Variants in PDLIM5 observed in about 807,000 individuals in gnomAD.
The protein encoded by PDLIM5 is PDZ and LIM domain 5, also known as PDZ and LIM domain protein 5.
A neutral mutation model predicts 64.2 loss-of-function variants in PDLIM5; 34 were observed. That is an observed-to-expected ratio of 0.53 (90% CI 0.40 to 0.71). PDLIM5 has a LOEUF of 0.71. PDLIM5 is among the 30% of genes least tolerant of loss of function. PDLIM5 has a pLI of 0.00. For synonymous variants in PDLIM5, 253 were observed against 269.1 expected, an observed-to-expected ratio of 0.94 and a Z score of 0.59; for missense variants, 683 against 733.6, an observed-to-expected ratio of 0.93 and a Z score of 0.80.
In PDLIM5 at chr4:94,664,048, C is replaced by G. The variant is rs1742942687; in HGVS notation, c.1772C>G (p.Ala591Gly). Residue 591 changes from alanine (A) to glycine (G), a missense_variant, in exon 13 of 13, where the codon GCT (alanine) becomes GGT (glycine). Coordinates refer to ENST00000317968, the MANE Select transcript of PDLIM5 (RefSeq NM_006457.5). ...KKDKPLCKKH[A>G]HSVNF ...GACAAGCCCCTGTGTAAGAAACATG[C>G]TCATTCTGTGAATTTTTGAAAGTCA... The G allele has an allele frequency of 3.7e-6, 6 of 1,603,528 alleles. No individual in the cohort carries two copies. Among genetic ancestry groups the G allele is most frequent in the Non-Finnish European group, 5.1e-6 (6 of 1,173,666 alleles).
At chr4:94,527,278 A>G (rs963922688) in intron 3 of PDLIM5, among the ~76,000 whole-genome samples, 7 of 147,346 alleles carry the variant, frequency 4.8e-5, no homozygotes, top group Admixed American at 3.4e-4. Flanking sequence ...GATGGTCTTG[A>G]TCTCTTGACC....
intron 2 of PDLIM5, among the ~76,000 whole-genome samples, chr4:94,491,245 C>T (rs774935599): frequency 2.2e-4 from 33 of 152,252 alleles, no homozygotes; most frequent in Non-Finnish European, 4.4e-4. Context: ...AGAGAAGAAA[C>T]TTAACCTTCT....
intron 5 of PDLIM5, among the ~76,000 whole-genome samples, chr4:94,580,156 T>C (rs1735615056): frequency 6.6e-6 from 1 of 152,122 alleles, no homozygotes; most frequent in Non-Finnish European, 1.5e-5. Flanking sequence ...GTTCCATTGG[T>C]ATTGACACTA....
At chr4:94,462,668 T>A (rs1019687096) in intron 2 of PDLIM5, among the ~76,000 whole-genome samples, 4 of 152,210 alleles carry the variant, frequency 2.6e-5, no homozygotes, top group African/African-American at 7.2e-5. Flanking sequence ...TGTATATTTG[T>A]CACATAAATT....
At chr4:94,549,341 T>C (rs1297837313) in intron 3 of PDLIM5, among the ~76,000 whole-genome samples, 1 of 152,216 alleles carries the variant, frequency 6.6e-6, no homozygotes, top group Non-Finnish European at 1.5e-5. Context: ...CCTATTTGTA[T>C]GTATTCCTAG....
chr4:94,541,688 C>T (rs1448966879), intron 3 of PDLIM5, among the ~76,000 whole-genome samples: 1 of 152,186 alleles, frequency 6.6e-6, no homozygotes, highest in East Asian at 1.9e-4. Context: ...TCTACTGCTT[C>T]TGCCCATGGT....
chr4:94,657,702 T>C (rs987552573), intron 11 of PDLIM5, among the ~76,000 whole-genome samples, 155 bp downstream of exon 11: 1 of 152,174 alleles, frequency 6.6e-6, no homozygotes, highest in African/African-American at 2.4e-5. Flanking sequence ...GAAAAAACTA[T>C]GTAGATTTTT....
At chr4:94,606,140 T>G (rs1238345142) in intron 7 of PDLIM5, among the ~76,000 whole-genome samples, 1 of 152,208 alleles carries the variant, frequency 6.6e-6, no homozygotes, top group African/African-American at 2.4e-5. Flanking sequence ...TTTCAAGCTT[T>G]TATTTCACAA....
chr4:94,634,152 G>T (rs184790312), intron 8 of PDLIM5, among the ~76,000 whole-genome samples: 73 of 152,162 alleles, frequency 4.8e-4, no homozygotes, highest in African/African-American at 1.6e-3. Flanking sequence ...TTTGAGCAGA[G>T]GAGTATCTGT....
At chr4:94,627,943 A>G (rs935996639) in intron 8 of PDLIM5, among the ~76,000 whole-genome samples, 22 of 152,240 alleles carry the variant, frequency 1.4e-4, no homozygotes, top group African/African-American at 5.1e-4. Flanking sequence ...TGTATCTTCC[A>G]CACCAGAAGA....
chr4:94,496,596 C>T (rs1020866337), intron 2 of PDLIM5, among the ~76,000 whole-genome samples: 10 of 152,154 alleles, frequency 6.6e-5, no homozygotes, highest in African/African-American at 2.4e-4. Flanking sequence ...CTCAAGCAGT[C>T]CTCCCACCTC....
chr4:94,562,042 G>T (rs1261658360), intron 3 of PDLIM5, among the ~76,000 whole-genome samples: 2 of 152,184 alleles, frequency 1.3e-5, no homozygotes, highest in African/African-American at 4.8e-5. Flanking sequence ...TTATGTCTTT[G>T]AGGATATCAT....
At chr4:94,555,173 C>T (rs955479305) in intron 3 of PDLIM5, among the ~76,000 whole-genome samples, 1 of 152,160 alleles carries the variant, frequency 6.6e-6, no homozygotes, top group Non-Finnish European at 1.5e-5. Flanking sequence ...CCCGCCTCAA[C>T]CTCTTGAGTA....
At chr4:94,568,063 G>T (rs1056840166) in intron 3 of PDLIM5, among the ~76,000 whole-genome samples, 5 of 152,172 alleles carry the variant, frequency 3.3e-5, no homozygotes, top group African/African-American at 9.7e-5. Context: ...GCTTTGCATT[G>T]TGCAGAATGA....
chr4:94,480,377 G>T (rs1725743887), intron 2 of PDLIM5, among the ~76,000 whole-genome samples: 1 of 152,198 alleles, frequency 6.6e-6, no homozygotes, highest in Non-Finnish European at 1.5e-5. Context: ...TTTATTACAA[G>T]GCATTGGTAA....
intron 2 of PDLIM5, among the ~76,000 whole-genome samples, chr4:94,474,107 T>C (rs866703153): frequency 6.6e-6 from 1 of 152,256 alleles, no homozygotes; most frequent in Non-Finnish European, 1.5e-5. Context: ...TATTAGCATG[T>C]TGAATGTTTT....
At position 94,455,937 on chromosome 4, in the gene PDLIM5, C is replaced by T. The variant is rs1723307685; in HGVS notation, c.96+553C>T. 8.0e-6 allele frequency: 12 copies of T among 1,492,674 alleles called. No homozygotes were observed. In the South Asian group the frequency reaches 1.5e-4, roughly 18 times the overall value. 92.5% of individuals were successfully genotyped at this position (1,492,674 alleles called of 1,614,324 possible). On this transcript the variant is annotated intron_variant, in intron 2 of 12. Transcript: ENST00000317968. ...TAGCCTATGAATAATTGAGATTTGG[C>T]TTTTTACCTCATTATGGATTTAGTT... is the stretch of plus-strand genomic sequence containing the variant.
chr4:94,453,943 A>G (rs115116122), intron 1 of PDLIM5, among the ~76,000 whole-genome samples: 147 of 151,986 alleles, frequency 9.7e-4, no homozygotes, highest in African/African-American at 3.4e-3. Context: ...TGTAATTTTT[A>G]TTTTCCCTGA....
chr4:94,637,567 AGGAATGGTGCTTTC>A (rs1373835848), intron 8 of PDLIM5, among the ~76,000 whole-genome samples: 11 of 152,340 alleles, frequency 7.2e-5, no homozygotes. Context: ...TCAAAAAAAA[AGGAATGGTGCTTTC>A]AAATAGTATT....
Sources: allele counts gnomAD v4.1 joint callset (sites outside exome capture counted in the v4.1 genomes callset), GRCh38; gene constraint gnomAD v4.1.1; transcripts MANE v1.5; gene names NCBI Gene and HGNC (gene_info 2026-07-23, HGNC 2026-07-21).